Variants in ERC2 observed in about 807,000 individuals in gnomAD.
The protein encoded by ERC2 is ERC protein 2.
ERC2 carries 42 observed loss-of-function variants against 114.8 expected under a neutral mutation model. The observed-to-expected ratio is 0.37, with a 90% CI of 0.29 to 0.47. ERC2 has a LOEUF of 0.47. Among genes scored for constraint, ERC2 ranks in the 20% least tolerant of loss-of-function variants. The probability of loss-of-function intolerance (pLI) is 0.99; values close to 1 mark genes in which losing one functional copy is unlikely to be tolerated. For synonymous variants in ERC2, 454 were observed against 425.5 expected (o/e 1.07, Z -0.82); for missense variants, 939 against 1,150.7 (o/e 0.82, Z 2.66).
chr3:55,548,294 C>T (rs573219131), intron 17 of ERC2, among the ~76,000 whole-genome samples: 82 of 152,316 alleles, frequency 5.4e-4, no homozygotes, highest in African/African-American at 1.5e-3. Flanking sequence ...CGTCTCCCAA[C>T]GATACATTAA....
chr3:55,693,365 G>A (rs1162547872), intron 16 of ERC2, among the ~76,000 whole-genome samples: 1 of 152,124 alleles, frequency 6.6e-6, no homozygotes, highest in East Asian at 1.9e-4. Context: ...TTTGCTCTGG[G>A]GGCATGGTTT....
chr3:55,832,795 C>A (rs1358500089), intron 14 of ERC2, among the ~76,000 whole-genome samples: 1 of 152,082 alleles, frequency 6.6e-6, no homozygotes, highest in African/African-American at 2.4e-5. Context: ...AGGCCTCAGA[C>A]GATCAAACTA....
intron 6 of ERC2, among the ~76,000 whole-genome samples, chr3:56,082,236 G>T (rs1024526501): frequency 6.6e-6 from 1 of 152,090 alleles, no homozygotes; most frequent in South Asian, 2.1e-4. Context: ...GAGGTGATTA[G>T]GTCATGAGGG....
At chr3:56,254,664 A>G (rs2052398478) in intron 3 of ERC2, among the ~76,000 whole-genome samples, 1 of 152,212 alleles carries the variant, frequency 6.6e-6, no homozygotes, top group Admixed American at 6.5e-5. Context: ...AAAGCCCAAA[A>G]TGAATGTTGA....
At chr3:56,038,826 T>C (rs1407530573) in intron 7 of ERC2, among the ~76,000 whole-genome samples, 1 of 152,130 alleles carries the variant, frequency 6.6e-6, no homozygotes, top group African/African-American at 2.4e-5. Context: ...AGCAAACTAA[T>C]GCAGGAACAG....
At chr3:56,167,021 C>T (rs1002782116) in intron 4 of ERC2, among the ~76,000 whole-genome samples, 1 of 152,098 alleles carries the variant, frequency 6.6e-6, no homozygotes, top group Admixed American at 6.6e-5. Flanking sequence ...CTGCCAAAGA[C>T]ACTCCTTATC....
intron 13 of ERC2, among the ~76,000 whole-genome samples, chr3:55,948,295 G>A (rs1328052484): frequency 1.3e-5 from 2 of 152,154 alleles, no homozygotes; most frequent in Non-Finnish European, 2.9e-5. Context: ...TGCTTGTGTA[G>A]AATAAATCAA....
chr3:56,359,839 C>A lies in ERC2; in HGVS notation c.658-63404G>T, dbSNP rs1182439106. ...GGAGGTGCCAGGCTTTTTTAAACAA[C>A]CAGCTCTCATGAAAACTAACAGAGT... On this transcript the variant is annotated intron_variant, in intron 2 of 17. Transcript: ENST00000288221. 2.7e-5 allele frequency among the ~76,000 whole-genome samples: 4 copies of A among 146,808 alleles called. No individual in the cohort carries two copies. In the East Asian group the frequency reaches 7.7e-4, roughly 28 times the overall value.
intron 4 of ERC2, among the ~76,000 whole-genome samples, chr3:56,170,099 C>G (rs943277384): frequency 5.9e-5 from 9 of 152,218 alleles, no homozygotes; most frequent in African/African-American, 2.2e-4. Flanking sequence ...GAAACACACA[C>G]AGTGTTCTAA....
chr3:55,939,006 G>T (rs767706682), intron 13 of ERC2, among the ~76,000 whole-genome samples: 5 of 152,092 alleles, frequency 3.3e-5, no homozygotes, highest in Non-Finnish European at 7.3e-5. Context: ...CTTGTAATTA[G>T]AAATCAATGT....
chr3:56,062,939 C>T (rs1309943380), intron 7 of ERC2, among the ~76,000 whole-genome samples: 3 of 152,072 alleles, frequency 2.0e-5, no homozygotes, highest in Non-Finnish European at 4.4e-5. Flanking sequence ...ACTCTGGCTT[C>T]GGAATAACTT....
At chr3:56,235,050 C>T (rs1397778984) in intron 3 of ERC2, among the ~76,000 whole-genome samples, 1 of 152,176 alleles carries the variant, frequency 6.6e-6, no homozygotes, top group Non-Finnish European at 1.5e-5. Context: ...ACAATCAATG[C>T]TTCCCGATCT....
intron 3 of ERC2, among the ~76,000 whole-genome samples, chr3:56,283,994 A>T (rs1469051290): frequency 2.0e-5 from 3 of 152,252 alleles, no homozygotes; most frequent in Non-Finnish European, 4.4e-5. Context: ...TCTCTGCAAA[A>T]AAAGAACTCT....
At position 55,716,496 on chromosome 3, in the gene ERC2, T is replaced by C. The variant is rs180885119; in HGVS notation, c.2713-16984A>G. 8.5e-5 allele frequency among the ~76,000 whole-genome samples: 13 copies of C among 152,328 alleles called. No individual in the cohort carries two copies. In the East Asian group the frequency reaches 2.5e-3, roughly 29 times the overall value. On this transcript the variant is annotated intron_variant, in intron 15 of 17. Coordinates refer to ENST00000288221, the MANE Select transcript of ERC2 (RefSeq NM_015576.3). ...GCCAAATGGTCAAAGTTAAGCCACT[T>C]AACAGCTGTGAAACTACCTGCAAGT... is the stretch of plus-strand genomic sequence containing the variant.
intron 5 of ERC2, among the ~76,000 whole-genome samples, chr3:56,140,358 C>G (rs967868407): frequency 6.6e-6 from 1 of 152,154 alleles, no homozygotes; most frequent in African/African-American, 2.4e-5. Flanking sequence ...TTAGGCTGAT[C>G]ATATATTTTT....
intron 2 of ERC2, among the ~76,000 whole-genome samples, chr3:56,302,972 T>C (rs191838045): frequency 6.6e-6 from 1 of 152,354 alleles, no homozygotes. Flanking sequence ...TTAGCGCTTA[T>C]GGCAAAACAG....
intron 6 of ERC2, among the ~76,000 whole-genome samples, chr3:56,092,785 G>A (rs569077264): frequency 3.0e-4 from 45 of 151,990 alleles, no homozygotes; most frequent in East Asian, 2.7e-3. Flanking sequence ...TTGCTATTAC[G>A]GAAAAAAACA....
At chr3:55,962,991 C>T (rs1391496586) in intron 12 of ERC2, among the ~76,000 whole-genome samples, 1 of 152,192 alleles carries the variant, frequency 6.6e-6, no homozygotes, top group South Asian at 2.1e-4. Context: ...TGGCCAGTAG[C>T]TTGGTTGACT....
chr3:55,542,981 C>T (rs2054499241), intron 17 of ERC2, among the ~76,000 whole-genome samples: 1 of 152,228 alleles, frequency 6.6e-6, no homozygotes, highest in Admixed American at 6.5e-5. Flanking sequence ...TCCTCCTGGG[C>T]TGTTACCACT....
Sources: gnomAD v4.1 joint callset for allele counts (sites outside exome capture counted in the v4.1 genomes callset) on GRCh38, gnomAD v4.1.1 for gene constraint, MANE v1.5 for transcripts, NCBI Gene and HGNC (gene_info 2026-07-23, HGNC 2026-07-21) for gene names.